Variants in CALN1 observed in about 807,000 individuals in gnomAD.
CALN1 encodes the protein calneuron 1.
Under a neutral mutation model 30.6 loss-of-function variants are expected in CALN1, and 17 were observed. The observed-to-expected ratio is 0.56, with a 90% confidence interval of 0.38 to 0.83. CALN1 has a LOEUF of 0.83. CALN1 is among the 40% of genes least tolerant of loss of function. The pLI, the probability that CALN1 is intolerant of heterozygous loss-of-function variation, is 0.00. For synonymous variants in CALN1, 156 were observed against 131.4 expected (o/e 1.19, Z -1.28); for missense variants, 291 against 354.9 (o/e 0.82, Z 1.45).
intron 5 of CALN1, among the ~76,000 whole-genome samples, chr7:71,920,422 G>A (rs894678992): frequency 2.9e-5 from 4 of 138,176 alleles, no homozygotes; most frequent in Non-Finnish European, 4.5e-5. Context: ...TGCAAGCTCT[G>A]CCTCCCAGAT....
intron 4 of CALN1, among the ~76,000 whole-genome samples, chr7:72,036,588 T>C (rs951957659): frequency 1.3e-5 from 2 of 152,170 alleles, no homozygotes; most frequent in African/African-American, 2.4e-5. Context: ...AGTTTACTGA[T>C]TGTTCCTTCT....
chr7:72,124,356 A>G (rs1217955159), intron 3 of CALN1, among the ~76,000 whole-genome samples: 1 of 152,218 alleles, frequency 6.6e-6, no homozygotes, highest in Non-Finnish European at 1.5e-5. Flanking sequence ...GAAAATTAAA[A>G]AGCAGAGGGA....
chr7:72,364,626 C>A (rs567681055), intron 2 of CALN1, among the ~76,000 whole-genome samples: 99 of 152,188 alleles, frequency 6.5e-4, no homozygotes, highest in Middle Eastern at 6.8e-3. Context: ...AGTACGGAAA[C>A]AGACAAACAT....
Position 72,403,413 on chromosome 7 carries a change from C to T in CALN1, c.-44G>A. 1 of 1,473,028 alleles carries T rather than the reference C, an allele frequency of 6.8e-7. No individual in the cohort carries two copies. The highest frequency in any genetic ancestry group is 9.2e-7 in the Non-Finnish European group (1 of 1,091,638). 91.2% of individuals were successfully genotyped at this position (1,473,028 alleles called of 1,614,324 possible). A position where few individuals can be genotyped will look rare whatever the true frequency, so the allele number is the denominator to read the frequency against. On this transcript the variant is annotated 5_prime_UTR_variant, in exon 2 of 7. Coordinates refer to ENST00000395275, the MANE Select transcript of CALN1 (RefSeq NM_031468.4). Reference sequence around the variant, plus strand: ...TTCTCAGAGAGAGTTAGAAGCTCATCAAAGGAACGTCAGCGAAGGCACTGA... The same window carrying T: ...TTCTCAGAGAGAGTTAGAAGCTCATTAAAGGAACGTCAGCGAAGGCACTGA...
chr7:72,193,850 G>A (rs554714278), intron 3 of CALN1, among the ~76,000 whole-genome samples: 3 of 152,148 alleles, frequency 2.0e-5, no homozygotes, highest in Non-Finnish European at 2.9e-5. Context: ...TAAGTGAAGC[G>A]ACTCAGGGAT....
At chr7:72,460,402 TG>T in the CALN1 span, among the ~76,000 whole-genome samples, 1 of 151,336 alleles carries the variant, frequency 6.6e-6, no homozygotes, top group Non-Finnish European at 1.5e-5. Context: ...GAGGCTGAGG[TG>T]GGTGGATAAC....
the CALN1 span, among the ~76,000 whole-genome samples, chr7:72,500,025 C>CCT: frequency 6.6e-6 from 1 of 151,354 alleles, no homozygotes; most frequent in South Asian, 2.1e-4. Context: ...GATTCTCCTG[C>CCT]CTCCGCCTCC....
chr7:71,832,281 C>A (rs1789334495), intron 5 of CALN1, among the ~76,000 whole-genome samples: 1 of 152,134 alleles, frequency 6.6e-6, no homozygotes, highest in Admixed American at 6.5e-5. Context: ...TTTACCACAC[C>A]AATGACCCTA....
chr7:72,327,133 C>A (rs1373017499), intron 2 of CALN1, among the ~76,000 whole-genome samples: 1 of 152,174 alleles, frequency 6.6e-6, no homozygotes, highest in Non-Finnish European at 1.5e-5. Context: ...TAGGATGAGA[C>A]CACAAGGTCA....
Position 72,031,901 on chromosome 7 carries a change from C to T in CALN1, c.389-8132G>A, listed in dbSNP as rs547240772. 4.6e-5 allele frequency among the ~76,000 whole-genome samples: 7 copies of T among 151,860 alleles called. No individual in the cohort carries two copies. In the South Asian group the frequency reaches 1.5e-3, roughly 32 times the overall value. On this transcript the variant is annotated intron_variant, in intron 4 of 6. Coordinates refer to ENST00000395275, the MANE Select transcript of CALN1 (RefSeq NM_031468.4). The stretch of plus-strand genomic sequence containing the variant: ...TGATTACAGGCACCCACCACCATGC[C>T]CAGCTCATTTTTTGTATTTTTAGTA...
intron 5 of CALN1, among the ~76,000 whole-genome samples, chr7:71,868,645 A>G (rs908244138): frequency 2.0e-5 from 3 of 151,746 alleles, no homozygotes; most frequent in African/African-American, 7.3e-5. Flanking sequence ...GTGCTGGGAT[A>G]AGAACTCATT....
At chr7:71,836,942 G>GA (rs1789647401) in intron 5 of CALN1, among the ~76,000 whole-genome samples, 1 of 147,480 alleles carries the variant, frequency 6.8e-6, no homozygotes, top group South Asian at 2.4e-4. Context: ...TTCTAAACAA[G>GA]AGCCACTGGC....
intron 2 of CALN1, among the ~76,000 whole-genome samples, chr7:72,341,283 G>A (rs1004541454): frequency 6.6e-6 from 1 of 152,200 alleles, no homozygotes; most frequent in African/African-American, 2.4e-5. Flanking sequence ...AGCACTTTGG[G>A]AAGCCGAGGC....
intron 4 of CALN1, among the ~76,000 whole-genome samples, chr7:72,055,308 G>T (rs1455645762): frequency 6.6e-6 from 1 of 152,068 alleles, no homozygotes; most frequent in Non-Finnish European, 1.5e-5. Flanking sequence ...AACCAAGCTG[G>T]TAAAGATTAA....
chr7:71,802,707 C>T (rs143041374), intron 6 of CALN1, among the ~76,000 whole-genome samples: 170 of 152,136 alleles, frequency 1.1e-3, no homozygotes, highest in African/African-American at 3.9e-3. Context: ...AAAATTAGGA[C>T]GCAAAGATTG....
chr7:72,377,830 G>A (rs1031794565), intron 2 of CALN1, among the ~76,000 whole-genome samples: 2 of 152,066 alleles, frequency 1.3e-5, no homozygotes, highest in Non-Finnish European at 2.9e-5. Flanking sequence ...CTTTCTACCT[G>A]CGTAGAAGCT....
chr7:71,992,614 T>C (rs540919441), intron 5 of CALN1, among the ~76,000 whole-genome samples: 1 of 152,314 alleles, frequency 6.6e-6, no homozygotes, highest in South Asian at 2.1e-4. Context: ...AGCCTTGACC[T>C]TCCAAACCAA....
chr7:71,939,572 C>CAA (rs35583884), intron 5 of CALN1, among the ~76,000 whole-genome samples: 21,949 of 131,412 alleles, frequency 0.17, 2,047 homozygotes, highest in Non-Finnish European at 0.24. Flanking sequence ...GATGTTGTCT[C>CAA]AAAAAAAAAA....
chr7:71,781,523 A>G lies in CALN1; in HGVS notation c.*6252T>C, dbSNP rs1026950629. On this transcript the variant is annotated 3_prime_UTR_variant, in exon 7 of 7. Coordinates refer to ENST00000395275, the MANE Select transcript of CALN1 (RefSeq NM_031468.4). ...TGTTTCCAAAGTAGGCCAGCGATCC[A>G]GAGAAGACCTTCAGAGGACAGCATC... is the stretch of plus-strand genomic sequence containing the variant. 2.0e-5 allele frequency: 3 copies of G among 152,292 alleles called. No homozygotes were observed. The highest frequency in any genetic ancestry group is 4.4e-5 in the Non-Finnish European group (3 of 68,094). The allele number at this position is 152,292 out of a possible 1,614,324, so 9.4% of individuals were successfully genotyped here.
Sources: allele counts gnomAD v4.1 joint callset (sites outside exome capture counted in the v4.1 genomes callset), GRCh38; gene constraint gnomAD v4.1.1; transcripts MANE v1.5; gene names NCBI Gene and HGNC (gene_info 2026-07-23, HGNC 2026-07-21).